Variants in CIRSR observed in about 807,000 individuals in gnomAD.
The protein encoded by CIRSR is CBF1 (RBPJ) interacting corepressor 1.
chr2:174,363,217 A>C, the CIRSR span, among the ~76,000 whole-genome samples: 1 of 152,234 alleles, frequency 6.6e-6, no homozygotes, highest in Admixed American at 6.5e-5. Context: ...GAATAAGAGA[A>C]TGCTTCCTTC....
chr2:174,360,073 T>G, the CIRSR span, among the ~76,000 whole-genome samples: 1 of 151,830 alleles, frequency 6.6e-6, no homozygotes, highest in Admixed American at 6.6e-5. Flanking sequence ...GGTGGGGGAA[T>G]GGGGGAGGGA....
chr2:174,386,523 C>T, the CIRSR span, among the ~76,000 whole-genome samples: 6 of 151,802 alleles, frequency 4.0e-5, no homozygotes, highest in East Asian at 1.2e-3. Context: ...ACATTTTGAA[C>T]TAGATAGTTC....
the CIRSR span, among the ~76,000 whole-genome samples, chr2:174,360,362 T>C: frequency 6.6e-6 from 1 of 152,232 alleles, no homozygotes; most frequent in African/African-American, 2.4e-5. Flanking sequence ...TATTATACAT[T>C]CAGAAGAGAT....
At chr2:174,349,552 G>A in the CIRSR span, among the ~76,000 whole-genome samples, 1 of 128,828 alleles carries the variant, frequency 7.8e-6, no homozygotes, top group Non-Finnish European at 1.6e-5. Flanking sequence ...GCAAAAGAGT[G>A]AGACTCTGTC....
the CIRSR span, chr2:174,387,604 T>C: frequency 2.1e-6 from 3 of 1,428,624 alleles, no homozygotes; most frequent in East Asian, 2.5e-5. Context: ...TCCAAAAAAC[T>C]GACTTAATAT....
the CIRSR span, among the ~76,000 whole-genome samples, chr2:174,391,592 A>AAAAT: frequency 2.6e-5 from 4 of 152,284 alleles, no homozygotes; most frequent in South Asian, 2.1e-4. Flanking sequence ...TCCATCTCAA[A>AAAAT]AAATAAATAA....
At chr2:174,380,050 C>T in the CIRSR span, 10 of 528,434 alleles carry the variant, frequency 1.9e-5, no homozygotes, top group Non-Finnish European at 2.7e-5. Context: ...CAGCCTACTA[C>T]ATTTTATGTT....
At chr2:174,376,994 C>T in the CIRSR span, among the ~76,000 whole-genome samples, 1 of 151,930 alleles carries the variant, frequency 6.6e-6, no homozygotes, top group African/African-American at 2.4e-5. Context: ...AATACAGACT[C>T]AAAGAAAATC....
chr2:174,388,603 A>G, the CIRSR span, among the ~76,000 whole-genome samples: 1 of 152,188 alleles, frequency 6.6e-6, no homozygotes, highest in Non-Finnish European at 1.5e-5. Flanking sequence ...CATTTCTTAT[A>G]TATCCTTCCA....
At chr2:174,375,513 G>A in the CIRSR span, among the ~76,000 whole-genome samples, 1 of 152,274 alleles carries the variant, frequency 6.6e-6, no homozygotes, top group African/African-American at 2.4e-5. Context: ...GGAGGCTGAG[G>A]TGAGGGGATT....
chr2:174,348,765 T>C, the CIRSR span: 9 of 1,614,110 alleles, frequency 5.6e-6, no homozygotes, highest in Middle Eastern at 4.9e-4. Context: ...GCTATGTTTA[T>C]GGGTTCTGGA....
chr2:174,381,632 G>A, the CIRSR span: 4 of 1,202,430 alleles, frequency 3.3e-6, no homozygotes, highest in Non-Finnish European at 3.5e-6. Flanking sequence ...ACTCCAGCCT[G>A]GACGACAGGG....
chr2:174,377,975 T>C, the CIRSR span, among the ~76,000 whole-genome samples: 1 of 152,066 alleles, frequency 6.6e-6, no homozygotes, highest in Non-Finnish European at 1.5e-5. Flanking sequence ...AGAACGTATG[T>C]TGATTGAGGG....
At chr2:174,390,701 G>A in the CIRSR span, among the ~76,000 whole-genome samples, 1 of 152,126 alleles carries the variant, frequency 6.6e-6, no homozygotes, top group Non-Finnish European at 1.5e-5. Context: ...TATCGTGGGA[G>A]GAACCCGATG....
At chr2:174,352,963 C>T in the CIRSR span, among the ~76,000 whole-genome samples, 500 of 152,288 alleles carry the variant, frequency 3.3e-3, no homozygotes, top group African/African-American at 0.011. Context: ...GCGCACTCAC[C>T]TGCATATTAT....
the CIRSR span, among the ~76,000 whole-genome samples, chr2:174,368,599 G>C: frequency 3.3e-5 from 5 of 152,206 alleles, no homozygotes; most frequent in Non-Finnish European, 7.3e-5. Flanking sequence ...CAGGAGGACT[G>C]CTTGAGCCCA....
At chr2:174,380,068 C>G in the CIRSR span, 1 of 581,294 alleles carries the variant, frequency 1.7e-6, no homozygotes, top group African/African-American at 1.9e-5. Flanking sequence ...GTTTTCTCCT[C>G]TATTCCTTAT....
chr2:174,364,660 C>T, the CIRSR span, among the ~76,000 whole-genome samples: 1 of 152,244 alleles, frequency 6.6e-6, no homozygotes. Context: ...TGCACACTTA[C>T]AGGCTCAACA....
chr2:174,393,238 T>C, the CIRSR span, among the ~76,000 whole-genome samples: 1 of 152,062 alleles, frequency 6.6e-6, no homozygotes, highest in Non-Finnish European at 1.5e-5. Context: ...CAATGTAAAT[T>C]AACTGCTTCC....
Sources: gnomAD v4.1 joint callset for allele counts (sites outside exome capture counted in the v4.1 genomes callset) on GRCh38, gnomAD v4.1.1 for gene constraint, MANE v1.5 for transcripts, NCBI Gene and HGNC (gene_info 2026-07-23, HGNC 2026-07-21) for gene names.